The following PCDHGB1 variants were observed in gnomAD, a reference collection of about 807,000 sequenced individuals.
PCDHGB1 encodes protocadherin gamma-B1.
PCDHGB1 carries 34 observed loss-of-function variants against 56.6 expected under a neutral mutation model. That is an observed-to-expected ratio of 0.60 (90% CI 0.46 to 0.80). The LOEUF is 0.80. Ranked by LOEUF, PCDHGB1 falls within the 30% of genes least tolerant of loss-of-function variation. The pLI, the probability that PCDHGB1 is intolerant of heterozygous loss-of-function variation, is 0.00. For missense variants in PCDHGB1, 1,278 were observed against 1,204.6 expected, an observed-to-expected ratio of 1.06 and a Z score of -0.90; for synonymous variants, 561 against 505.9, an observed-to-expected ratio of 1.11 and a Z score of -1.46.
intron 1 of PCDHGB1, chr5:141,398,411 T>C (rs1346480691): frequency 6.8e-7 from 1 of 1,478,640 alleles, no homozygotes; most frequent in South Asian, 1.1e-5. Context: ...AGGGAGGAGA[T>C]ATGCGGGAAG....
intron 1 of PCDHGB1, chr5:141,370,571 G>A (rs970814015): frequency 1.2e-6 from 2 of 1,613,816 alleles, no homozygotes; most frequent in African/African-American, 1.3e-5. Flanking sequence ...TTGGCGTGGG[G>A]GATTTACCTA....
rs1379023118 is a variant in PCDHGB1, at chr5:141,487,609, G to A, written c.2410-7198G>A. ...GCCCACCCTCTGATCTTCTCTATGG[G>A]CTAGAGGTGAGACCTTTGCAGGCTC... On this transcript the variant is annotated intron_variant, in intron 1 of 3. Transcript: ENST00000523390. The surrounding 1 kb of genome is among the most constrained non-coding windows in gnomAD (Gnocchi z 5.0). 1 of 1,614,202 alleles carries A rather than the reference G, an allele frequency of 6.2e-7. No individual in the cohort carries two copies. The highest frequency in any genetic ancestry group is 1.1e-5 in the South Asian group (1 of 91,084).
intron 1 of PCDHGB1, chr5:141,394,390 G>C (rs758609540): frequency 1.2e-6 from 2 of 1,614,100 alleles, no homozygotes; most frequent in Non-Finnish European, 1.7e-6. Context: ...GAGCAGATCC[G>C]AGACCTGCAG....
intron 1 of PCDHGB1, among the ~76,000 whole-genome samples, chr5:141,464,749 T>A (rs1026757405): frequency 6.6e-6 from 1 of 152,216 alleles, no homozygotes; most frequent in African/African-American, 2.4e-5. Context: ...ATCTTTTTGT[T>A]TTTTTAGAGA....
rs1449605701 is a variant in PCDHGB1 at position 141,485,191 on chromosome 5, A to C, written c.2410-9616A>C. ...CGGCAGCAATGCTCCGCAAGGTGAG[A>C]AGCTGGACAGAAATCTGGCGGTGGG... is the stretch of plus-strand genomic sequence containing the variant. On this transcript the variant is annotated intron_variant, in intron 1 of 3. Coordinates refer to ENST00000523390, the MANE Select transcript of PCDHGB1 (RefSeq NM_018922.3). This position sits in a 1 kb window ranked among gnomAD's most constrained non-coding sequence, Gnocchi z 5.7. The C allele has an allele frequency of 6.2e-7, 1 of 1,613,836 alleles. No individual in the cohort carries two copies. The highest frequency in any genetic ancestry group is 1.3e-5 in the African/African-American group (1 of 75,042).
intron 1 of PCDHGB1, chr5:141,405,039 C>T (rs1227328278): frequency 1.2e-6 from 2 of 1,613,880 alleles, no homozygotes; most frequent in Non-Finnish European, 1.7e-6. Flanking sequence ...CTCGTTGTGG[C>T]TGTGGCAGTC....
At chr5:141,453,175 A>G (rs928062909) in intron 1 of PCDHGB1, among the ~76,000 whole-genome samples, 2 of 152,088 alleles carry the variant, frequency 1.3e-5, no homozygotes, top group African/African-American at 4.8e-5. Context: ...GTCCAGTGGT[A>G]CAATCACAGC....
Position 141,400,219 on chromosome 5 carries a change from C to T in PCDHGB1, c.2409+47550C>T, listed in dbSNP as rs1200450595. On this transcript the variant is annotated intron_variant, in intron 1 of 3. Coordinates refer to ENST00000523390, the MANE Select transcript of PCDHGB1 (RefSeq NM_018922.3). ...GGTGGCCTTGGCCTTGATCTCAGTG[C>T]TCTTCCTCCTGGCCGTGATTCTGGC... The T allele has an allele frequency of 1.9e-6, 3 of 1,613,934 alleles. No homozygotes were observed. Among genetic ancestry groups the T allele is most frequent in the African/African-American group, 1.3e-5 (1 of 74,930 alleles).
chr5:141,432,632 G>A lies in PCDHGB1; in HGVS notation c.2410-62175G>A. 3.7e-6 allele frequency: 6 copies of A among 1,612,834 alleles called. No individual in the cohort carries two copies. The highest frequency in any genetic ancestry group is 5.1e-6 in the Non-Finnish European group (6 of 1,179,706). On this transcript the variant is annotated intron_variant, in intron 1 of 3. Coordinates refer to ENST00000523390, the MANE Select transcript of PCDHGB1 (RefSeq NM_018922.3). The surrounding 1 kb of genome is among the most constrained non-coding windows in gnomAD (Gnocchi z 6.0). ...CTTCTCGGTGGGTCTGCACACGGGC[G>A]AGGTGCGCACGGCGCGAGCCCTGCT...
rs754747902 is a variant in PCDHGB1 at position 141,417,898 on chromosome 5, G to T, written c.2409+65229G>T. The T allele has an allele frequency of 5.5e-5, 87 of 1,579,262 alleles. 1 individual carries two copies. The South Asian group carries it at 7.8e-4, about 14-fold the overall frequency. The stretch of plus-strand genomic sequence containing the variant: ...GCGCGCAGAGGCGCCGGGCCGGCCC[G>T]CGGCAGGTACTATTTCCTTTGCTGC... On this transcript the variant is annotated intron_variant, in intron 1 of 3. Coordinates refer to ENST00000523390, the MANE Select transcript of PCDHGB1 (RefSeq NM_018922.3).
chr5:141,361,370 GGGA>G, intron 1 of PCDHGB1: 1 of 1,613,942 alleles, frequency 6.2e-7, no homozygotes. Context: ...GCTCTGGACC[GGGA>G]GGAGATCCCA....
chr5:141,389,657 G>A lies in PCDHGB1; in HGVS notation c.2409+36988G>A, dbSNP rs372714152. The stretch of plus-strand genomic sequence containing the variant: ...GCTACTTGGTGACCAAGGTAGTGGC[G>A]GTGGACGCAGACTCAGGACACAACG... On this transcript the variant is annotated intron_variant, in intron 1 of 3. Transcript: ENST00000523390. The A allele has an allele frequency of 6.2e-5, 100 of 1,612,554 alleles. 2 individuals are homozygous for A. In the African/African-American group the frequency reaches 1.0e-3, roughly 17 times the overall value.
Position 141,352,670 on chromosome 5 carries a change from G to C in PCDHGB1, c.2409+1G>C. The C allele has an allele frequency of 6.3e-7, 1 of 1,579,078 alleles. No individual in the cohort carries two copies. The highest frequency in any genetic ancestry group is 8.6e-7 in the Non-Finnish European group (1 of 1,161,520). The stretch of plus-strand genomic sequence containing the variant: ...TTATGACCCTTCTTTGTCTTCGCAC[G>C]TGAGTTTCTGCAAATCTAGTTAAAT... On this transcript the variant is annotated splice_donor_variant, in intron 1 of 3. Transcript: ENST00000523390. LOFTEE classifies it high-confidence loss of function.
intron 1 of PCDHGB1, chr5:141,421,947 C>T: frequency 6.2e-7 from 1 of 1,613,118 alleles, no homozygotes; most frequent in African/African-American, 1.3e-5. Context: ...ATGATCACAT[C>T]CCAATGTTTA....
intron 1 of PCDHGB1, chr5:141,420,367 T>C: frequency 7.3e-7 from 1 of 1,360,684 alleles, no homozygotes; most frequent in Non-Finnish European, 9.7e-7. Flanking sequence ...CTAGATAACT[T>C]CTTCATAGAG....
Position 141,491,743 on chromosome 5 carries a change from A to G in PCDHGB1, c.2410-3064A>G, listed in dbSNP as rs752434173. ...GCCCCGGGCGACCCCTGGGGGCGGC[A>G]CTGGAGAAGCCGCCCGTCCTCATAA... On this transcript the variant is annotated intron_variant, in intron 1 of 3. Transcript: ENST00000523390. The surrounding 1 kb of genome is among the most constrained non-coding windows in gnomAD (Gnocchi z 6.9). 5.0e-6 allele frequency: 8 copies of G among 1,595,570 alleles called. No individual in the cohort carries two copies. In the Admixed American group the frequency reaches 1.4e-4, roughly 28 times the overall value.
chr5:141,503,221 C>T (rs528636727), intron 2 of PCDHGB1, among the ~76,000 whole-genome samples: 34 of 152,074 alleles, frequency 2.2e-4, no homozygotes, highest in Middle Eastern at 6.8e-3. Flanking sequence ...CCATGAGCAC[C>T]GTAAAGATGG....
chr5:141,364,604 C>T lies in PCDHGB1; in HGVS notation c.2409+11935C>T. On this transcript the variant is annotated intron_variant, in intron 1 of 3. Transcript: ENST00000523390. ...CTTGGTCACCGCGGGCAGGATAGAC[C>T]GGGAGGAGCTCTGCGCTCAGAGCCC... 6.2e-7 allele frequency: 1 copy of T among 1,614,162 alleles called. No homozygotes were observed. Among genetic ancestry groups the T allele is most frequent in the Non-Finnish European group, 8.5e-7 (1 of 1,179,996 alleles).
intron 1 of PCDHGB1, chr5:141,400,474 G>A: frequency 6.2e-7 from 1 of 1,614,012 alleles, no homozygotes; most frequent in Non-Finnish European, 8.5e-7. Context: ...TTCATCTGGG[G>A]CCTTATTTCC....
Sources: allele counts gnomAD v4.1 joint callset (sites outside exome capture counted in the v4.1 genomes callset), GRCh38; gene constraint gnomAD v4.1.1; non-coding constraint Gnocchi (gnomAD v3.1); transcripts MANE v1.5; gene names NCBI Gene and HGNC (gene_info 2026-07-23, HGNC 2026-07-21).